Variants in SLC25A12 observed in about 807,000 individuals in gnomAD.
SLC25A12 encodes the protein solute carrier family 25 member 12.
A neutral mutation model predicts 83.3 loss-of-function variants in SLC25A12; 32 were observed. The observed-to-expected ratio is 0.38, with a 90% CI of 0.29 to 0.52. The LOEUF (loss-of-function observed/expected upper bound fraction) is 0.52, where lower values mean the gene tolerates loss of function less well. SLC25A12 is among the 20% of genes least tolerant of loss of function. The probability of loss-of-function intolerance (pLI) is 0.84; values close to 1 mark genes in which losing one functional copy is unlikely to be tolerated. For missense variants in SLC25A12, 611 were observed against 835.6 expected (o/e 0.73, Z 3.31); for synonymous variants, 267 against 291.1 (o/e 0.92, Z 0.84).
chr2:171,834,501 T>C (rs1684514168), intron 7 of SLC25A12, among the ~76,000 whole-genome samples: 1 of 152,216 alleles, frequency 6.6e-6, no homozygotes, highest in Non-Finnish European at 1.5e-5. Flanking sequence ...GTTTGACAGA[T>C]TGGGTCAAGG....
rs1239468963 is a variant in SLC25A12 at position 171,861,285 on chromosome 2, ACTCTC to A, written c.210-5341_210-5337del. On this transcript the variant is annotated intron_variant, in intron 3 of 17. Transcript: ENST00000422440. ...TAGGCCACTTGACAGTCTCTCTGAT[ACTCTC>A]CTCTATTTTAAGCCCACAGTCATTA... Among the ~76,000 whole-genome samples the A allele has an allele frequency of 2.6e-5, 4 of 151,930 alleles. No homozygotes were observed. In the East Asian group the frequency reaches 5.8e-4, roughly 22 times the overall value.
chr2:171,821,921 A>G (rs1259955231), intron 9 of SLC25A12, among the ~76,000 whole-genome samples: 1 of 152,214 alleles, frequency 6.6e-6, no homozygotes, highest in African/African-American at 2.4e-5. Context: ...GATCATAAAT[A>G]GAATATCTTG....
chr2:171,800,975 C>T (rs936201492), intron 13 of SLC25A12, among the ~76,000 whole-genome samples: 3 of 152,118 alleles, frequency 2.0e-5, no homozygotes, highest in African/African-American at 7.2e-5. Flanking sequence ...GACGCATGAA[C>T]GACTTTTCTG....
rs1690454750 is a variant in SLC25A12, at chr2:171,784,695, G to A, written c.*579C>T. ...ATCTTTCCAAAGTATCACTTATTCA[G>A]TGGTAGCAGCACTATGTCTCGTTAT... is the stretch of plus-strand genomic sequence containing the variant. On this transcript the variant is annotated 3_prime_UTR_variant, in exon 18 of 18. Transcript: ENST00000422440. 5.8e-6 allele frequency: 1 copy of A among 171,046 alleles called. No individual in the cohort carries two copies. Among genetic ancestry groups the A allele is most frequent in the Non-Finnish European group, 1.3e-5 (1 of 78,430 alleles). 10.6% of individuals were successfully genotyped at this position (171,046 alleles called of 1,614,324 possible). A position where few individuals can be genotyped will look rare whatever the true frequency, so the allele number is the denominator to read the frequency against.
intron 13 of SLC25A12, among the ~76,000 whole-genome samples, chr2:171,800,436 AT>A (rs1486055830): frequency 2.6e-5 from 4 of 152,136 alleles, no homozygotes; most frequent in African/African-American, 4.8e-5. Flanking sequence ...ATAAGATACT[AT>A]TTCACATACC....
At chr2:171,812,652 T>C (rs1683970380) in intron 11 of SLC25A12, among the ~76,000 whole-genome samples, 1 of 152,190 alleles carries the variant, frequency 6.6e-6, no homozygotes, top group Non-Finnish European at 1.5e-5. Flanking sequence ...TGGGGCGCAG[T>C]GCTGCCTCTG....
chr2:171,857,798 T>G (rs1280879886), intron 3 of SLC25A12, among the ~76,000 whole-genome samples: 2 of 150,974 alleles, frequency 1.3e-5, no homozygotes, highest in African/African-American at 2.4e-5. Flanking sequence ...GGATGAGGCA[T>G]GAGGATCACT....
chr2:171,863,624 GATAGA>G (rs1685217064), intron 3 of SLC25A12, among the ~76,000 whole-genome samples: 1 of 152,140 alleles, frequency 6.6e-6, no homozygotes, highest in East Asian at 1.9e-4. Context: ...ACACTACTGA[GATAGA>G]ATAGAGCAGA....
At position 171,785,147 on chromosome 2, in the gene SLC25A12, A is replaced by G. The variant is rs1690463118; in HGVS notation, c.*127T>C. The G allele has an allele frequency of 2.4e-6, 2 of 825,350 alleles. No individual in the cohort carries two copies. The highest frequency in any genetic ancestry group is 4.1e-6 in the Non-Finnish European group (2 of 487,522). 51.1% of individuals were successfully genotyped at this position (825,350 alleles called of 1,614,324 possible). On this transcript the variant is annotated 3_prime_UTR_variant, in exon 18 of 18. Coordinates refer to ENST00000422440, the MANE Select transcript of SLC25A12 (RefSeq NM_003705.5). ...TTATAAACAAGTATATGTATATGTC[A>G]TACAGAAAGAAGAGTTTGACTCCTC...
chr2:171,845,834 A>G (rs1477704426), intron 4 of SLC25A12: 1 of 455,410 alleles, frequency 2.2e-6, no homozygotes, highest in Non-Finnish European at 4.4e-6. Flanking sequence ...TTTCTTTGAA[A>G]TGGAATGCAG....
intron 2 of SLC25A12, among the ~76,000 whole-genome samples, chr2:171,888,523 C>G (rs1357256660): frequency 6.6e-6 from 1 of 152,140 alleles, no homozygotes; most frequent in Non-Finnish European, 1.5e-5. Context: ...CTCACTGCAA[C>G]CCCCGCTTCC....
chr2:171,844,622 T>C, intron 4 of SLC25A12, 114 bp from the exon 5 acceptor site: 1 of 737,722 alleles, frequency 1.4e-6, no homozygotes, highest in African/African-American at 1.8e-5. Flanking sequence ...TATCATCTGC[T>C]TCTATTAAAA....
chr2:171,892,312 G>A (rs1685957858), intron 2 of SLC25A12, among the ~76,000 whole-genome samples: 1 of 150,528 alleles, frequency 6.6e-6, no homozygotes, highest in Non-Finnish European at 1.5e-5. Context: ...TGCAAGCTCC[G>A]CTTCCCGGGT....
chr2:171,840,663 A>G lies in SLC25A12; in HGVS notation c.466-3396T>C, dbSNP rs111726122. On this transcript the variant is annotated intron_variant, in intron 5 of 17. Transcript: ENST00000422440. ...ATAGAAGGCTCAGAAGGAAAATAGGAGAGAAAAGAAGACTAAAAGGTCATA... is the reference window on the plus strand; with the variant it reads ...ATAGAAGGCTCAGAAGGAAAATAGGGGAGAAAAGAAGACTAAAAGGTCATA... 2.2e-4 allele frequency among the ~76,000 whole-genome samples: 34 copies of G among 152,254 alleles called. 1 individual carries two copies. Among genetic ancestry groups the G allele is most frequent in the African/African-American group, 7.7e-4 (32 of 41,576 alleles).
intron 4 of SLC25A12, chr2:171,852,677 A>G (rs1684957708): frequency 2.2e-6 from 1 of 455,650 alleles, no homozygotes; most frequent in Non-Finnish European, 4.4e-6. Flanking sequence ...CCTTTACCCC[A>G]GATCCAAAAT....
intron 15 of SLC25A12, 124 bp from the exon 16 acceptor site, chr2:171,788,071 G>A: frequency 1.1e-6 from 1 of 918,398 alleles, no homozygotes. Context: ...TCTTTACATA[G>A]ATGTCTGGCC....
Position 171,845,893 on chromosome 2 carries a change from G to A in SLC25A12, c.326-1385C>T, listed in dbSNP as rs750882976. The A allele has an allele frequency of 3.2e-4, 139 of 435,758 alleles. 3 individuals are homozygous for A. The highest frequency in any genetic ancestry group is 2.3e-3 in the South Asian group (138 of 61,238). The allele number at this position is 435,758 out of a possible 1,614,324, so 27.0% of individuals were successfully genotyped here. ...GACAAATACTTCAAAGTTTTCAATA[G>A]GTCAAGCGTTTTCACCTTACATAAA... On this transcript the variant is annotated intron_variant, in intron 4 of 17. Coordinates refer to ENST00000422440, the MANE Select transcript of SLC25A12 (RefSeq NM_003705.5).
intron 15 of SLC25A12, chr2:171,788,227 T>G: frequency 2.8e-6 from 1 of 353,666 alleles, no homozygotes; most frequent in Non-Finnish European, 5.2e-6. Flanking sequence ...AAAGTAGCAA[T>G]ATTAATAAGA....
In SLC25A12 at chr2:171,787,868, C is replaced by T. The variant is rs145746525; in HGVS notation, c.1665G>A (p.Thr555=). 38 of 1,614,238 alleles carry T rather than the reference C, an allele frequency of 2.4e-5. No individual in the cohort carries two copies. The highest frequency in any genetic ancestry group is 2.3e-4 in the African/African-American group (17 of 75,062). ...RLQVAARAGQ[T]TYSGVIDCFR... ...AACAGTCGATGACACCACTGTATGT[C>T]GTCTGGCCAGCGCGGGCAGCCACCT... is the stretch of plus-strand genomic sequence containing the variant. The change falls in exon 16 of 18, where the codon ACG becomes ACA. Residue 555 remains threonine, a synonymous_variant. Transcript: ENST00000422440.
Sources: allele counts gnomAD v4.1 joint callset (sites outside exome capture counted in the v4.1 genomes callset), GRCh38; gene constraint gnomAD v4.1.1; transcripts MANE v1.5; gene names NCBI Gene and HGNC (gene_info 2026-07-23, HGNC 2026-07-21).